The following TSPAN9 variants were observed in gnomAD, a reference collection of about 807,000 sequenced individuals.
TSPAN9 encodes the protein tetraspanin 9.
TSPAN9 carries 16 observed loss-of-function variants against 31.0 expected under a neutral mutation model. The ratio of observed to expected loss-of-function variants is 0.52; its 90% confidence interval spans 0.35 to 0.78. The LOEUF (loss-of-function observed/expected upper bound fraction) is 0.78. TSPAN9 is among the 30% of genes least tolerant of loss of function. The pLI, the probability that TSPAN9 is intolerant of heterozygous loss-of-function variation, is 0.01. For synonymous variants in TSPAN9, 145 were observed against 121.6 expected (o/e 1.19, Z -1.27); for missense variants, 272 against 312.5 (o/e 0.87, Z 0.98).
At chr12:3,250,668 C>A (rs1862231181) in intron 3 of TSPAN9, among the ~76,000 whole-genome samples, 1 of 152,246 alleles carries the variant, frequency 6.6e-6, no homozygotes, top group Non-Finnish European at 1.5e-5. Flanking sequence ...ATGCTGAGGC[C>A]AGCTTCTCAG....
intron 3 of TSPAN9, among the ~76,000 whole-genome samples, chr12:3,235,444 T>C (rs1179998446): frequency 6.6e-6 from 1 of 151,194 alleles, no homozygotes; most frequent in Admixed American, 6.6e-5. Flanking sequence ...CAATGTCTTC[T>C]CAGCTTCCTT....
At chr12:3,218,786 G>C (rs1048941270) in intron 3 of TSPAN9, among the ~76,000 whole-genome samples, 1 of 152,168 alleles carries the variant, frequency 6.6e-6, no homozygotes. Flanking sequence ...TCTTAGCCCC[G>C]CTGGCTCTCC....
chr12:3,243,284 T>C (rs1200153571), intron 3 of TSPAN9, among the ~76,000 whole-genome samples: 1 of 152,250 alleles, frequency 6.6e-6, no homozygotes, highest in Middle Eastern at 3.4e-3. Context: ...AGCCACTGTA[T>C]GTGGAGTGTT....
chr12:3,224,479 G>C (rs1020922673), intron 3 of TSPAN9, among the ~76,000 whole-genome samples: 2 of 152,234 alleles, frequency 1.3e-5, no homozygotes, highest in Non-Finnish European at 2.9e-5. Context: ...AAGGAGCTTG[G>C]CTGGGAAATG....
chr12:3,241,225 T>C (rs2098396404), intron 3 of TSPAN9, among the ~76,000 whole-genome samples: 4 of 152,216 alleles, frequency 2.6e-5, no homozygotes, highest in African/African-American at 4.8e-5. Context: ...TTAAAAGCAA[T>C]TTAGGTGTCC....
At chr12:3,129,521 G>C (rs1036016852) in intron 2 of TSPAN9, among the ~76,000 whole-genome samples, 1 of 152,172 alleles carries the variant, frequency 6.6e-6, no homozygotes, top group African/African-American at 2.4e-5. Flanking sequence ...GACCACATGG[G>C]TTTGCATCCT....
chr12:3,275,531 C>A (rs1170047129), intron 3 of TSPAN9, among the ~76,000 whole-genome samples: 3 of 152,272 alleles, frequency 2.0e-5, no homozygotes, highest in Non-Finnish European at 2.9e-5. Flanking sequence ...AGCATAGAAA[C>A]TGACCAGATT....
In TSPAN9 at chr12:3,284,810, AC is replaced by A. The variant is rs1246533845; in HGVS notation, c.*1697del. On this transcript the variant is annotated 3_prime_UTR_variant, in exon 9 of 9. Coordinates refer to ENST00000011898, the MANE Select transcript of TSPAN9 (RefSeq NM_006675.5). Reference sequence around the variant, plus strand: ...CCTTTCCTATACAGTTTGTCTTGTCACCCTGGTTTCCCACTGGGGCCAGGTC... The same window carrying A: ...CCTTTCCTATACAGTTTGTCTTGTCACCTGGTTTCCCACTGGGGCCAGGTC... 6.6e-6 allele frequency: 1 copy of A among 151,986 alleles called. No individual in the cohort carries two copies. Among genetic ancestry groups the A allele is most frequent in the Non-Finnish European group, 1.5e-5 (1 of 68,028 alleles). 9.4% of individuals were successfully genotyped at this position (151,986 alleles called of 1,614,324 possible).
At chr12:3,154,054 C>G (rs554720759) in intron 2 of TSPAN9, among the ~76,000 whole-genome samples, 1 of 151,626 alleles carries the variant, frequency 6.6e-6, no homozygotes, top group Non-Finnish European at 1.5e-5. Context: ...GTGGATGTAT[C>G]TCTATCTGTT....
chr12:3,285,581 T>A lies in TSPAN9; in HGVS notation c.*2465T>A, dbSNP rs989241202. The A allele has an allele frequency of 6.6e-6, 1 of 152,196 alleles. No individual in the cohort carries two copies. The highest frequency in any genetic ancestry group is 1.5e-5 in the Non-Finnish European group (1 of 68,040). 9.4% of individuals were successfully genotyped at this position (152,196 alleles called of 1,614,324 possible). A position where few individuals can be genotyped will look rare whatever the true frequency, so the allele number is the denominator to read the frequency against. On this transcript the variant is annotated 3_prime_UTR_variant, in exon 9 of 9. Transcript: ENST00000011898. Reference sequence around the variant, plus strand: ...GAAGTCTGTGTGCACAGAGTGGGTGTTCCTTCGAGCCCCTTCCACTCAGAG... The same window carrying A: ...GAAGTCTGTGTGCACAGAGTGGGTGATCCTTCGAGCCCCTTCCACTCAGAG...
In TSPAN9 at chr12:3,201,236, C is replaced by T; in HGVS notation, c.43C>T (p.Leu15Phe). ...CLCCLKYMMFLFNLIFWLCGC... is the reference protein window; with the variant it reads ...CLCCLKYMMFFFNLIFWLCGC... ...CTGCTGCTTGAAGTACATGATGTTC[C>T]TCTTCAATTTGATATTCTGGGTAAG... Residue 15 changes from leucine to phenylalanine, a missense_variant, in exon 3 of 9, where the codon CTC (leucine) becomes TTC (phenylalanine). Transcript: ENST00000011898. 6.2e-7 allele frequency: 1 copy of T among 1,614,070 alleles called. No homozygotes were observed. Among genetic ancestry groups the T allele is most frequent in the Non-Finnish European group, 8.5e-7 (1 of 1,180,012 alleles).
chr12:3,200,993 G>A, intron 2 of TSPAN9, 184 bp from the exon 3 acceptor site: 1 of 591,780 alleles, frequency 1.7e-6, no homozygotes, highest in South Asian at 2.0e-5. Context: ...CTCGGACTTT[G>A]CCAAGCCGTC....
intron 2 of TSPAN9, among the ~76,000 whole-genome samples, chr12:3,174,792 C>T (rs796174963): frequency 0.018 from 2,637 of 149,566 alleles, 84 homozygotes; most frequent in African/African-American, 0.06. Flanking sequence ...CCGTGTTAGC[C>T]AGGATGGTCT....
At chr12:3,100,719 G>T (rs1385248211) in intron 2 of TSPAN9, among the ~76,000 whole-genome samples, 1 of 152,154 alleles carries the variant, frequency 6.6e-6, no homozygotes, top group African/African-American at 2.4e-5. Flanking sequence ...ACTGGGGTGG[G>T]TGCCTCTAGG....
At chr12:3,195,014 T>C (rs1178669069) in intron 2 of TSPAN9, among the ~76,000 whole-genome samples, 1 of 152,200 alleles carries the variant, frequency 6.6e-6, no homozygotes, top group African/African-American at 2.4e-5. Flanking sequence ...GGTGAGTAGC[T>C]CTCCCTTCTA....
At chr12:3,268,753 C>T (rs376134001) in intron 3 of TSPAN9, among the ~76,000 whole-genome samples, 10 of 71,996 alleles carry the variant, frequency 1.4e-4, no homozygotes, top group South Asian at 8.4e-4. Flanking sequence ...GCCTGCCCTC[C>T]GTGCGTTTCT....
At chr12:3,163,330 G>A (rs894366454) in intron 2 of TSPAN9, among the ~76,000 whole-genome samples, 21 of 152,046 alleles carry the variant, frequency 1.4e-4, no homozygotes, top group African/African-American at 4.6e-4. Flanking sequence ...TGCTTCTCTC[G>A]CTCTTTTGTT....
intron 3 of TSPAN9, among the ~76,000 whole-genome samples, chr12:3,220,145 C>CAAAAAAAAAAAAAAA (rs55735802): frequency 1.5e-5 from 2 of 137,370 alleles, no homozygotes; most frequent in African/African-American, 2.9e-5. Flanking sequence ...AACTCTGTCT[C>CAAAAAAAAAAAAAAA]AAAAAAAAAA....
At chr12:3,268,824 C>CT (rs1862602061) in intron 3 of TSPAN9, among the ~76,000 whole-genome samples, 1 of 99,720 alleles carries the variant, frequency 1.0e-5, no homozygotes, top group Admixed American at 9.7e-5. Context: ...AACCTGCCCT[C>CT]CGTGCATTCC....
Sources: gnomAD v4.1 joint callset for allele counts (sites outside exome capture counted in the v4.1 genomes callset) on GRCh38, gnomAD v4.1.1 for gene constraint, MANE v1.5 for transcripts, NCBI Gene and HGNC (gene_info 2026-07-23, HGNC 2026-07-21) for gene names.